The following PDCD4 variants were observed in gnomAD, a reference collection of about 807,000 sequenced individuals.
PDCD4 encodes the protein programmed cell death protein 4.
Under a neutral mutation model 54.0 loss-of-function variants are expected in PDCD4, and 56 were observed. The observed-to-expected ratio is 1.04, with a 90% CI of 0.84 to 1.30. PDCD4 has a LOEUF of 1.30. Ranked by LOEUF, PDCD4 falls within the 50% of genes most tolerant of loss-of-function variation. The probability of loss-of-function intolerance (pLI) is 0.00; values close to 1 mark genes in which losing one functional copy is unlikely to be tolerated. For synonymous variants in PDCD4, 186 were observed against 194.8 expected, an observed-to-expected ratio of 0.95 and a Z score of 0.37; for missense variants, 584 against 559.8, an observed-to-expected ratio of 1.04 and a Z score of -0.44.
intron 2 of PDCD4, chr10:110,876,708 G>A: frequency 7.7e-7 from 1 of 1,298,660 alleles, no homozygotes; most frequent in Non-Finnish European, 1.0e-6. Flanking sequence ...TCAATAGCAT[G>A]TTATTATCAT....
chr10:110,875,187 G>T (rs766098443), intron 1 of PDCD4, among the ~76,000 whole-genome samples: 4 of 151,986 alleles, frequency 2.6e-5, no homozygotes, highest in African/African-American at 7.2e-5. Context: ...TAAGTTAATT[G>T]TCTAAAAGGT....
chr10:110,876,696 C>T (rs766592198), intron 2 of PDCD4: 2 of 1,263,714 alleles, frequency 1.6e-6, no homozygotes, highest in South Asian at 4.8e-5. Flanking sequence ...CTCCATGGTG[C>T]TTCAATAGCA....
In PDCD4 at chr10:110,881,319, T is replaced by C; in HGVS notation, c.130T>C (p.Trp44Arg). 5 of 1,613,994 alleles carry C rather than the reference T, an allele frequency of 3.1e-6. No homozygotes were observed. The highest frequency in any genetic ancestry group is 3.4e-6 in the Non-Finnish European group (4 of 1,179,888). The change falls in exon 3 of 12, where the codon TGG becomes CGG. Residue 44 changes from tryptophan (W) to arginine (R), a missense_variant. Physicochemically the swap from Trp to Arg is moderately radical, Grantham distance 101. Transcript: ENST00000280154. ...AATAAAGAATGAAATAAATGGAAATTGGATTTCAGCATCCTCCATTAACGA... is the reference window on the plus strand; with the variant it reads ...AATAAAGAATGAAATAAATGGAAATCGGATTTCAGCATCCTCCATTAACGA... Reference protein sequence around the residue: ...EEIKNEINGNWISASSINEAR... With the variant: ...EEIKNEINGNRISASSINEAR...
Position 110,889,567 on chromosome 10 carries a change from A to G in PDCD4, c.812A>G (p.Asp271Gly). The change falls in exon 7 of 12, where the codon GAT (aspartate) becomes GGT (glycine). Residue 271 changes from aspartate to glycine, a missense_variant. Coordinates refer to ENST00000280154, the MANE Select transcript of PDCD4 (RefSeq NM_014456.5). ...CAGTTTATTGCTAGAGCTGTTGGAG[A>G]TGGAATTTTATGTAATACCTATATT... Reference protein sequence around the residue: ...VGQFIARAVGDGILCNTYIDS... With the variant: ...VGQFIARAVGGGILCNTYIDS... 1 of 1,605,938 alleles carries G rather than the reference A, an allele frequency of 6.2e-7. No homozygotes were observed. Among genetic ancestry groups the G allele is most frequent in the Non-Finnish European group, 8.5e-7 (1 of 1,174,406 alleles).
chr10:110,887,528 C>T, intron 5 of PDCD4, 137 bp from the exon 6 acceptor site: 1 of 603,634 alleles, frequency 1.7e-6, no homozygotes, highest in Non-Finnish European at 2.9e-6. Flanking sequence ...TAAAACATGA[C>T]TGGGTCTTTT....
intron 2 of PDCD4, among the ~76,000 whole-genome samples, chr10:110,878,157 A>G (rs1845535299): frequency 6.6e-6 from 1 of 152,194 alleles, no homozygotes; most frequent in African/African-American, 2.4e-5. Context: ...TCTTAAAGTC[A>G]GCTCAATAGG....
At position 110,894,072 on chromosome 10, in the gene PDCD4, C is replaced by T; in HGVS notation, c.991-19C>T. 1.4e-6 allele frequency: 2 copies of T among 1,449,238 alleles called. No homozygotes were observed. The highest frequency in any genetic ancestry group is 1.9e-6 in the Non-Finnish European group (2 of 1,033,852). 89.8% of individuals were successfully genotyped at this position (1,449,238 alleles called of 1,614,324 possible). On this transcript the variant is annotated intron_variant, in intron 8 of 11. Coordinates refer to ENST00000280154, the MANE Select transcript of PDCD4 (RefSeq NM_014456.5). ...AAAAGTTAGGAATTCTGACACATCT[C>T]AACTTTTAAATCTAATAGATTGATA...
Position 110,894,403 on chromosome 10 carries a change from A to C in PDCD4, c.1099-9A>C, listed in dbSNP as rs1845799821. 3 of 1,401,262 alleles carry C rather than the reference A, an allele frequency of 2.1e-6. No homozygotes were observed. The highest frequency in any genetic ancestry group is 3.0e-6 in the Non-Finnish European group (3 of 991,402). 86.8% of individuals were successfully genotyped at this position (1,401,262 alleles called of 1,614,324 possible). A position where few individuals can be genotyped will look rare whatever the true frequency, so the allele number is the denominator to read the frequency against. On this transcript the variant is annotated splice_polypyrimidine_tract_variant and intron_variant, in intron 9 of 11. Transcript: ENST00000280154. Reference sequence around the variant, plus strand: ...TAACCAAAAATTCACTCATTGATTCAATTTTTAGGCTATTATAATGGTTTT... The same window carrying C: ...TAACCAAAAATTCACTCATTGATTCCATTTTTAGGCTATTATAATGGTTTT...
intron 1 of PDCD4, among the ~76,000 whole-genome samples, chr10:110,873,635 G>C (rs1208521015): frequency 6.6e-6 from 1 of 152,124 alleles, no homozygotes; most frequent in Non-Finnish European, 1.5e-5. Flanking sequence ...AGGAAATAGC[G>C]TTTGGATTTT....
intron 9 of PDCD4, 88 bp downstream of exon 9, chr10:110,894,286 T>C (rs1845797977): frequency 4.4e-6 from 4 of 901,472 alleles, no homozygotes; most frequent in Non-Finnish European, 7.3e-6. Context: ...ATGTACATCC[T>C]TTTTTTAATA....
intron 8 of PDCD4, among the ~76,000 whole-genome samples, chr10:110,893,363 C>T (rs1425419628): frequency 1.3e-5 from 2 of 149,478 alleles, no homozygotes; most frequent in Non-Finnish European, 3.0e-5. Context: ...TTTTTAAATT[C>T]AGTCAGCCAA....
intron 4 of PDCD4, among the ~76,000 whole-genome samples, chr10:110,883,817 T>A (rs1452675103): frequency 1.3e-5 from 2 of 152,202 alleles, no homozygotes; most frequent in Non-Finnish European, 2.9e-5. Flanking sequence ...TGTTAGGTTG[T>A]TTTTATTGTG....
chr10:110,894,304 A>G (rs2134005681), intron 9 of PDCD4, 106 bp downstream of exon 9: 1 of 883,412 alleles, frequency 1.1e-6, no homozygotes. Context: ...ATATCAAAGG[A>G]GGAAGTGGTT....
At chr10:110,872,814 C>T (rs1253649624) in intron 1 of PDCD4, among the ~76,000 whole-genome samples, 1 of 152,208 alleles carries the variant, frequency 6.6e-6, no homozygotes, top group Non-Finnish European at 1.5e-5. Context: ...CGCATGCCAT[C>T]TTCTCCATTT....
At chr10:110,891,535 A>T (rs536458899) in intron 8 of PDCD4, among the ~76,000 whole-genome samples, 2 of 150,964 alleles carry the variant, frequency 1.3e-5, no homozygotes, top group East Asian at 3.9e-4. Context: ...AAAACTCCTT[A>T]TCTGCAGATC....
intron 4 of PDCD4, among the ~76,000 whole-genome samples, chr10:110,883,898 T>C (rs1040954578): frequency 6.6e-6 from 1 of 152,192 alleles, no homozygotes; most frequent in African/African-American, 2.4e-5. Flanking sequence ...ATGAAAAATA[T>C]GAAACTAGTA....
intron 2 of PDCD4, 147 bp from the exon 3 acceptor site, chr10:110,881,086 G>A: frequency 3.3e-6 from 2 of 600,560 alleles, no homozygotes; most frequent in Admixed American, 3.1e-5. Context: ...TTAGATTGAA[G>A]TAGATGAAAT....
chr10:110,899,248 T>G lies in PDCD4; in HGVS notation c.*1160T>G, dbSNP rs1326311133. 2.0e-5 allele frequency: 3 copies of G among 152,240 alleles called. No homozygotes were observed. The highest frequency in any genetic ancestry group is 7.2e-5 in the African/African-American group (3 of 41,456). The allele number at this position is 152,240 out of a possible 1,614,324, so 9.4% of individuals were successfully genotyped here. On this transcript the variant is annotated 3_prime_UTR_variant, in exon 12 of 12. Transcript: ENST00000280154. ...GCAAACAAGAATTATATTCAGAATT[T>G]ATGAGGGTACTGTTAGGAGTATACT...
intron 8 of PDCD4, among the ~76,000 whole-genome samples, chr10:110,893,257 T>A (rs995199610): frequency 2.0e-5 from 3 of 151,990 alleles, no homozygotes; most frequent in Admixed American, 2.0e-4. Context: ...TTTACTTACA[T>A]GTAAATATTA....
Sources: allele counts gnomAD v4.1 joint callset (sites outside exome capture counted in the v4.1 genomes callset), GRCh38; gene constraint gnomAD v4.1.1; transcripts MANE v1.5; gene names NCBI Gene and HGNC (gene_info 2026-07-23, HGNC 2026-07-21).